Variants in PCLO observed in about 807,000 individuals in gnomAD.
The protein encoded by PCLO is piccolo presynaptic cytomatrix protein.
Under a neutral mutation model 427.5 loss-of-function variants are expected in PCLO, and 82 were observed. The observed-to-expected ratio is 0.19, with a 90% CI of 0.16 to 0.23. PCLO has a LOEUF of 0.23. Among genes scored for constraint, PCLO ranks in the 10% least tolerant of loss-of-function variants. PCLO has a pLI of 1.00. For missense variants in PCLO, 6,239 were observed against 6,115.9 expected (o/e 1.02, Z -0.67); for synonymous variants, 2,357 against 2,155.4 (o/e 1.09, Z -2.59).
rs1790285838 is a variant in PCLO, at chr7:82,754,967, T to C, written c.*3608A>G. The C allele has an allele frequency of 6.6e-6, 1 of 152,070 alleles. No homozygotes were observed. Among genetic ancestry groups the C allele is most frequent in the African/African-American group, 2.4e-5 (1 of 41,444 alleles). 9.4% of individuals were successfully genotyped at this position (152,070 alleles called of 1,614,324 possible). A position where few individuals can be genotyped will look rare whatever the true frequency, so the allele number is the denominator to read the frequency against. ...ATATTGTTAGTTATGATTTAAATAA[T>C]AAAGTAAAAAAATACTATAAACATC... On this transcript the variant is annotated 3_prime_UTR_variant, in exon 25 of 25. Transcript: ENST00000333891.
intron 18 of PCLO, 137 bp from the exon 19 acceptor site, chr7:82,824,553 C>T: frequency 2.0e-6 from 1 of 496,412 alleles, no homozygotes; most frequent in Non-Finnish European, 3.5e-6. Flanking sequence ...ATGATTCTTT[C>T]TTCCTCAGTT....
chr7:83,026,461 C>G (rs1188472658), intron 3 of PCLO, among the ~76,000 whole-genome samples: 1 of 152,224 alleles, frequency 6.6e-6, no homozygotes, highest in East Asian at 1.9e-4. Context: ...AAAGCAAGTC[C>G]TGAGTGACCT....
Position 82,950,019 on chromosome 7 carries a change from C to T in PCLO, c.10569G>A (p.Glu3523=), listed in dbSNP as rs368491340. 6.2e-7 allele frequency: 1 copy of T among 1,613,058 alleles called. No individual in the cohort carries two copies. Among genetic ancestry groups the T allele is most frequent in the Admixed American group, 1.7e-5 (1 of 59,846 alleles). ...CAACTGGTTCAGTTTGCACAGATAT[C>T]TCTGCTACCGTTTGAACTGCTATGC... ...VSSIAVQTVA[E]ISVQTEPVGT... is the part of the protein sequence containing the mutation. Residue 3523 remains glutamate, a synonymous_variant, in exon 6 of 25, where the codon GAG becomes GAA. Transcript: ENST00000333891.
chr7:82,761,101 C>A (rs1203352047), intron 23 of PCLO, among the ~76,000 whole-genome samples: 1 of 151,340 alleles, frequency 6.6e-6, no homozygotes, highest in African/African-American at 2.4e-5. Context: ...CAGGAGCGAC[C>A]ACACCTAACT....
Position 82,999,798 on chromosome 7 carries a change from TATA to T in PCLO, c.3301-33314_3301-33312del, listed in dbSNP as rs869229094. ...ATAATATTATATATAAAATATAATA[TATA>T]ATATTATATATAAAATATAATATAT... is the stretch of plus-strand genomic sequence containing the variant. On this transcript the variant is annotated intron_variant, in intron 3 of 24. Transcript: ENST00000333891. Among the ~76,000 whole-genome samples, 40 of 117,416 alleles carry T rather than the reference TATA, an allele frequency of 3.4e-4. 16 individuals are homozygous for T. Among genetic ancestry groups the T allele is most frequent in the African/African-American group, 1.1e-3 (33 of 31,028 alleles). The allele number at this position is 117,416 out of a possible 152,430, so 77.0% of individuals were successfully genotyped here.
intron 3 of PCLO, among the ~76,000 whole-genome samples, chr7:83,107,726 C>T (rs924220924): frequency 9.8e-5 from 3 of 30,732 alleles, no homozygotes; most frequent in South Asian, 1.2e-3. Flanking sequence ...TGCGGTGGCT[C>T]ACGCCTATAA....
In PCLO at chr7:82,952,439, T is replaced by A. The variant is rs1393914179; in HGVS notation, c.8514A>T (p.Ile2838=). ...TSKHAEPPYR[I]PSDQVFPIAR... ...CTATAGGAAAGACCTGGTCACTTGGTATCCTGTATGGGGGCTCAGCATGCT... is the reference window on the plus strand; with the variant it reads ...CTATAGGAAAGACCTGGTCACTTGGAATCCTGTATGGGGGCTCAGCATGCT... The change falls in exon 5 of 25, where the codon ATA becomes ATT. Residue 2838 remains isoleucine, a synonymous_variant. Transcript: ENST00000333891. The A allele has an allele frequency of 6.2e-7, 1 of 1,613,934 alleles. No homozygotes were observed.
chr7:82,939,480 C>G (rs1260948372), intron 6 of PCLO, among the ~76,000 whole-genome samples: 1 of 151,622 alleles, frequency 6.6e-6, no homozygotes, highest in Non-Finnish European at 1.5e-5. Context: ...ATCCCTTAGC[C>G]TAGAACACAA....
chr7:83,007,630 T>C (rs183949764), intron 3 of PCLO, among the ~76,000 whole-genome samples: 1 of 151,520 alleles, frequency 6.6e-6, no homozygotes, highest in Non-Finnish European at 1.5e-5. Flanking sequence ...TAAGAAAATA[T>C]ATGTATCATA....
At chr7:83,021,150 C>T (rs1362720102) in intron 3 of PCLO, among the ~76,000 whole-genome samples, 1 of 152,146 alleles carries the variant, frequency 6.6e-6, no homozygotes, top group East Asian at 1.9e-4. Context: ...CTCAATTTTA[C>T]AGCCCCTCAC....
chr7:82,828,178 T>A (rs2371215), intron 16 of PCLO, among the ~76,000 whole-genome samples: 86,054 of 151,434 alleles, frequency 0.57, 25,454 homozygotes, highest in East Asian at 0.85. Context: ...TCTTTGCCCT[T>A]ATGATTTTTT....
intron 22 of PCLO, among the ~76,000 whole-genome samples, chr7:82,777,301 T>C (rs1244800524): frequency 6.6e-6 from 1 of 152,012 alleles, no homozygotes; most frequent in Non-Finnish European, 1.5e-5. Flanking sequence ...ATAGGGAGAA[T>C]CAATATCAAG....
At chr7:82,880,432 C>G (rs1190575017) in intron 9 of PCLO, 1 of 404,354 alleles carries the variant, frequency 2.5e-6, no homozygotes. Context: ...TTTGTAGAGA[C>G]AAGGTCTCAC....
chr7:83,155,493 G>C lies in PCLO; in HGVS notation c.1148C>G (p.Ser383Trp). 1 of 1,612,876 alleles carries C rather than the reference G, an allele frequency of 6.2e-7. No individual in the cohort carries two copies. The highest frequency in any genetic ancestry group is 1.1e-5 in the South Asian group (1 of 90,950). The change falls in exon 2 of 25, where the codon TCG (serine) becomes TGG (tryptophan). Residue 383 changes from serine to tryptophan, a missense_variant. By Grantham distance (177) the Ser-to-Trp change is radical. Coordinates refer to ENST00000333891, the MANE Select transcript of PCLO (RefSeq NM_033026.6). ...TAAAGCCTTTGGCCCAGGCTGCTCC[G>C]ATGAAGGCTTCTCTGACCCAGTCTG... Reference protein sequence around the residue: ...AQQTGSEKPSSEQPGPKALAQ... With the variant: ...AQQTGSEKPSWEQPGPKALAQ...
intron 22 of PCLO, among the ~76,000 whole-genome samples, chr7:82,796,735 C>T (rs922054714): frequency 1.3e-5 from 2 of 149,084 alleles, no homozygotes; most frequent in African/African-American, 2.5e-5. Flanking sequence ...AGTCACCAAC[C>T]AATCTGAATG....
At position 82,755,099 on chromosome 7, in the gene PCLO, A is replaced by G. The variant is rs1790288743; in HGVS notation, c.*3476T>C. On this transcript the variant is annotated 3_prime_UTR_variant, in exon 25 of 25. Transcript: ENST00000333891. ...ACTTCACATCACCACCACCGCTAATATCACTACTGCTACCACCACTATCAT... is the reference window on the plus strand; with the variant it reads ...ACTTCACATCACCACCACCGCTAATGTCACTACTGCTACCACCACTATCAT... 1 of 152,118 alleles carries G rather than the reference A, an allele frequency of 6.6e-6. No homozygotes were observed. Among genetic ancestry groups the G allele is most frequent in the African/African-American group, 2.4e-5 (1 of 41,434 alleles). 9.4% of individuals were successfully genotyped at this position (152,118 alleles called of 1,614,324 possible).
Position 83,135,373 on chromosome 7 carries a change from G to C in PCLO, c.2177C>G (p.Ala726Gly), listed in dbSNP as rs771656712. Residue 726 changes from alanine (A) to glycine (G), a missense_variant, in exon 3 of 25, where the codon GCA becomes GGA. Around this residue, in one of 5 missense-constraint regions of PCLO, gnomAD observed 4,677 missense variants for 4,468.4 expected, o/e 1.05. Coordinates refer to ENST00000333891, the MANE Select transcript of PCLO (RefSeq NM_033026.6). ...AGGGGCTGGCTTGGACAAAGAATCT[G>C]CCTCAGGGGGCTGCTTGGCCTTGGC... The part of the protein sequence containing the change: ...PSAKAKQPPE[A>G]DSLSKPAPPK... 7 of 1,614,016 alleles carry C rather than the reference G, an allele frequency of 4.3e-6. No homozygotes were observed. Among genetic ancestry groups the C allele is most frequent in the Non-Finnish European group, 5.9e-6 (7 of 1,179,898 alleles).
chr7:83,102,668 A>C (rs866236564), intron 3 of PCLO, among the ~76,000 whole-genome samples: 1 of 151,968 alleles, frequency 6.6e-6, no homozygotes, highest in Non-Finnish European at 1.5e-5. Context: ...TATCTCCTAA[A>C]GTAATTTTCA....
intron 3 of PCLO, among the ~76,000 whole-genome samples, chr7:83,050,180 A>G (rs1789199267): frequency 8.2e-6 from 1 of 122,666 alleles, no homozygotes; most frequent in Non-Finnish European, 1.6e-5. Flanking sequence ...ACTGACTTAT[A>G]CTTGAACTAT....
Sources: gnomAD v4.1 joint callset for allele counts (sites outside exome capture counted in the v4.1 genomes callset) on GRCh38, gnomAD v4.1.1 for gene constraint, gnomAD v4.1.1 regional missense constraint, MANE v1.5 for transcripts, NCBI Gene and HGNC (gene_info 2026-07-23, HGNC 2026-07-21) for gene names.